The following OR5B2 variants were observed in gnomAD, a reference collection of about 807,000 sequenced individuals.
OR5B2 encodes the protein olfactory receptor family 5 subfamily B member 2.
For synonymous variants in OR5B2, 163 were observed against 140.8 expected (o/e 1.16, Z -1.11); for missense variants, 411 against 367.0 (o/e 1.12, Z -0.98).
intron 1 of OR5B2, among the ~76,000 whole-genome samples, chr11:58,427,732 GA>G (rs1351167115): frequency 1.3e-5 from 2 of 152,176 alleles, no homozygotes; most frequent in Admixed American, 1.3e-4. Flanking sequence ...CCATATGTGA[GA>G]GGGGGAGTGC....
chr11:58,423,114 C>A lies in OR5B2; in HGVS notation c.148G>T (p.Asp50Tyr), dbSNP rs1442425694. The change falls in exon 3 of 3, where the codon GAC (aspartate) becomes TAC (tyrosine). Residue 50 changes from aspartate (D) to tyrosine (Y), a missense_variant. By Grantham distance (160) the Asp-to-Tyr change is radical (BLOSUM62 -3). Coordinates refer to ENST00000641342, the MANE Select transcript of OR5B2 (RefSeq NM_001005566.3). ...NLGMMLLILM[D>Y]SCLHTPMYFF... is the part of the protein sequence containing the mutation. The stretch of plus-strand genomic sequence containing the variant: ...TACATGGGGGTGTGGAGACAAGAGT[C>A]CATCAGGATCAGCAACATCATCCCC... 1.2e-6 allele frequency: 2 copies of A among 1,613,674 alleles called. No individual in the cohort carries two copies.
chr11:58,422,817 A>G lies in OR5B2; in HGVS notation c.445T>C (p.Cys149Arg). The change falls in exon 3 of 3, where the codon TGT (cysteine) becomes CGT (arginine). Residue 149 changes from cysteine to arginine, a missense_variant. By Grantham distance (180) the Cys-to-Arg change is radical. Transcript: ENST00000641342. ...TGGAATGAGGCATTTAGGAAGCCAC[A>G]GACATATGAGCCTAGGGCCAGACAG... is the stretch of plus-strand genomic sequence containing the variant. ...GACLALGSYV[C>R]GFLNASFHIG... is the part of the protein sequence containing the mutation. The G allele has an allele frequency of 6.2e-7, 1 of 1,613,804 alleles. No individual in the cohort carries two copies. Among genetic ancestry groups the G allele is most frequent in the South Asian group, 1.1e-5 (1 of 91,080 alleles).
intron 2 of OR5B2, among the ~76,000 whole-genome samples, chr11:58,423,633 C>T (rs144092429): frequency 1.1e-4 from 17 of 152,224 alleles, no homozygotes; most frequent in Non-Finnish European, 2.1e-4. Flanking sequence ...TTATGTTGCT[C>T]ACATACTGGG....
rs142625743 is a variant in OR5B2, at chr11:58,422,357, A to C, written c.905T>G (p.Val302Gly). 5.6e-4 allele frequency: 893 copies of C among 1,608,024 alleles called. No individual in the cohort carries two copies. The highest frequency in any genetic ancestry group is 7.2e-4 in the Non-Finnish European group (844 of 1,175,626). Residue 302 changes from valine to glycine, a missense_variant, in exon 3 of 3, where the codon GTG becomes GGG. Physicochemically the swap from Val to Gly is moderately radical, Grantham distance 109. Coordinates refer to ENST00000641342, the MANE Select transcript of OR5B2 (RefSeq NM_001005566.3). ...TTATAGAAATTTTTGCCTTCTCAAC[A>C]CTTTCTTGAATGCATTCTGGACTTC... The part of the protein sequence containing the change: ...NREVQNAFKK[V>G]LRRQKFL
intron 2 of OR5B2, among the ~76,000 whole-genome samples, chr11:58,423,783 C>A (rs1486053059): frequency 1.3e-5 from 2 of 152,102 alleles, no homozygotes; most frequent in Non-Finnish European, 2.9e-5. Context: ...AATAGTCAAG[C>A]CTATCTTCTG....
chr11:58,423,122 A>T lies in OR5B2; in HGVS notation c.140T>A (p.Ile47Asn). ...LCGNLGMMLLILMDSCLHTPM... is the reference protein window; with the variant it reads ...LCGNLGMMLLNLMDSCLHTPM... ...GGTGTGGAGACAAGAGTCCATCAGG[A>T]TCAGCAACATCATCCCCAGGTTCCC... is the stretch of plus-strand genomic sequence containing the variant. Residue 47 changes from isoleucine to asparagine, a missense_variant, in exon 3 of 3, where the codon ATC (isoleucine) becomes AAC (asparagine). By Grantham distance (149) the Ile-to-Asn change is moderately radical. Coordinates refer to ENST00000641342, the MANE Select transcript of OR5B2 (RefSeq NM_001005566.3). 2 of 1,613,750 alleles carry T rather than the reference A, an allele frequency of 1.2e-6. No homozygotes were observed. The highest frequency in any genetic ancestry group is 1.1e-5 in the South Asian group (1 of 91,068).
rs1855280468 is a variant in OR5B2, at chr11:58,422,097, G to C, written c.*235C>G. 1 of 382,602 alleles carries C rather than the reference G, an allele frequency of 2.6e-6. No homozygotes were observed. The highest frequency in any genetic ancestry group is 5.5e-5 in the South Asian group (1 of 18,110). The allele number at this position is 382,602 out of a possible 1,614,324, so 23.7% of individuals were successfully genotyped here. A position where few individuals can be genotyped will look rare whatever the true frequency, so the allele number is the denominator to read the frequency against. ...TGAGTAAACCGAATGTCATTAGTAA[G>C]TTTTGACCAGCAAGTTCCAAAAATT... On this transcript the variant is annotated 3_prime_UTR_variant, in exon 3 of 3. Coordinates refer to ENST00000641342, the MANE Select transcript of OR5B2 (RefSeq NM_001005566.3).
chr11:58,423,247 C>T lies in OR5B2; in HGVS notation c.15G>A (p.Thr5=), dbSNP rs760966594. The T allele has an allele frequency of 3.2e-5, 51 of 1,590,254 alleles. No homozygotes were observed. Among genetic ancestry groups the T allele is most frequent in the Admixed American group, 8.6e-5 (5 of 58,222 alleles). The stretch of plus-strand genomic sequence containing the variant: ...CTAGAAGAATGAACTTTGTCACTTC[C>T]GTACAATTCTCCATCAGTATTATCT... MENC[T]EVTKFILLGL... Residue 5 remains threonine (T), a synonymous_variant, in exon 3 of 3, where the codon ACG becomes ACA. Coordinates refer to ENST00000641342, the MANE Select transcript of OR5B2 (RefSeq NM_001005566.3).
Position 58,422,880 on chromosome 11 carries a change from G to A in OR5B2, c.382C>T (p.Leu128=), listed in dbSNP as rs1228832589. 6.2e-7 allele frequency: 1 copy of A among 1,613,716 alleles called. No homozygotes were observed. The highest frequency in any genetic ancestry group is 2.2e-5 in the East Asian group (1 of 44,866). ...YDRYAAVCKP[L]HYTTTMTASV... is the part of the protein sequence containing the mutation. ...GCCGTCATGGTGGTGGTGTAGTGTA[G>A]GGGTTTGCACACTGCTGCATAGCGG... The change falls in exon 3 of 3, where the codon CTA becomes TTA. Residue 128 remains leucine, a synonymous_variant. Transcript: ENST00000641342.
Position 58,422,290 on chromosome 11 carries a change from AAAC to A in OR5B2, c.*39_*41del, listed in dbSNP as rs1162612716. 5.4e-6 allele frequency: 7 copies of A among 1,290,748 alleles called. No individual in the cohort carries two copies. Among genetic ancestry groups the A allele is most frequent in the Non-Finnish European group, 7.7e-6 (7 of 906,306 alleles). 80.0% of individuals were successfully genotyped at this position (1,290,748 alleles called of 1,614,324 possible). ...GCATGAGGAAAGTCTGAGATGAGGG[AAAC>A]AACATTTTTGTGTATACAACAATGT... On this transcript the variant is annotated 3_prime_UTR_variant, in exon 3 of 3. Transcript: ENST00000641342.
intron 1 of OR5B2, among the ~76,000 whole-genome samples, chr11:58,427,482 G>A (rs891889958): frequency 5.3e-5 from 8 of 152,096 alleles, no homozygotes; most frequent in South Asian, 2.1e-4. Flanking sequence ...AAACACTTAC[G>A]CACTTCAGTT....
In OR5B2 at chr11:58,423,296, C is replaced by A; in HGVS notation, c.-28-7G>T. The stretch of plus-strand genomic sequence containing the variant: ...CTGAGAAACTTAAGATGACCTGTAG[C>A]AATGAGAAATAAAGCAATAGAGTGA... On this transcript the variant is annotated splice_region_variant and splice_polypyrimidine_tract_variant and intron_variant, in intron 2 of 2. Transcript: ENST00000641342. 6.1e-6 allele frequency: 8 copies of A among 1,318,380 alleles called. No homozygotes were observed. Among genetic ancestry groups the A allele is most frequent in the South Asian group, 2.9e-5 (2 of 67,842 alleles). The allele number at this position is 1,318,380 out of a possible 1,614,324, so 81.7% of individuals were successfully genotyped here. A position where few individuals can be genotyped will look rare whatever the true frequency, so the allele number is the denominator to read the frequency against.
rs751270786 is a variant in OR5B2 at position 58,422,867 on chromosome 11, G to T, written c.395C>A (p.Thr132Asn). ...GGCACCTACACTGGCCGTCATGGTG[G>T]TGGTGTAGTGTAGGGGTTTGCACAC... Reference protein sequence around the residue: ...AAVCKPLHYTTTMTASVGACL... With the variant: ...AAVCKPLHYTNTMTASVGACL... The change falls in exon 3 of 3, where the codon ACC becomes AAC. Residue 132 changes from threonine (T) to asparagine (N), a missense_variant. By Grantham distance (65) the Thr-to-Asn change is moderately conservative (BLOSUM62 0). Transcript: ENST00000641342. 1 of 1,613,700 alleles carries T rather than the reference G, an allele frequency of 6.2e-7. No individual in the cohort carries two copies. The highest frequency in any genetic ancestry group is 1.3e-5 in the African/African-American group (1 of 74,920).
Position 58,423,170 on chromosome 11 carries a change from A to G in OR5B2, c.92T>C (p.Phe31Ser). 1 of 1,613,628 alleles carries G rather than the reference A, an allele frequency of 6.2e-7. No homozygotes were observed. Among genetic ancestry groups the G allele is most frequent in the Non-Finnish European group, 8.5e-7 (1 of 1,179,674 alleles). The change falls in exon 3 of 3, where the codon TTC (phenylalanine) becomes TCC (serine). Residue 31 changes from phenylalanine to serine, a missense_variant. Coordinates refer to ENST00000641342, the MANE Select transcript of OR5B2 (RefSeq NM_001005566.3). ...CCCACACAGAGTGAGGAGGTAGATG[A>G]AGGTGAACAAGATAAAGAGGGGGAT... ...LQIPLFILFTFIYLLTLCGNL... is the reference protein window; with the variant it reads ...LQIPLFILFTSIYLLTLCGNL...
chr11:58,422,337 G>C lies in OR5B2; in HGVS notation c.925C>G (p.Leu309Val), dbSNP rs373422198. The change falls in exon 3 of 3, where the codon CTA becomes GTA. Residue 309 changes from leucine (L) to valine (V), a missense_variant. By Grantham distance (32) the Leu-to-Val change is conservative. Coordinates refer to ENST00000641342, the MANE Select transcript of OR5B2 (RefSeq NM_001005566.3). ...ACAATGTTAAAATTCCAAACTTATA[G>C]AAATTTTTGCCTTCTCAACACTTTC... ...FKKVLRRQKF[L>V] is the part of the protein sequence containing the mutation. The C allele has an allele frequency of 1.8e-4, 281 of 1,597,096 alleles. No individual in the cohort carries two copies. Among genetic ancestry groups the C allele is most frequent in the Admixed American group, 6.8e-5 (4 of 59,020 alleles).
chr11:58,427,029 A>AT (rs1425904519), intron 1 of OR5B2, among the ~76,000 whole-genome samples: 4 of 146,656 alleles, frequency 2.7e-5, no homozygotes, highest in Non-Finnish European at 6.1e-5. Flanking sequence ...ACTGAGATCA[A>AT]TAAATGATCA....
At chr11:58,423,767 A>G (rs752821861) in intron 2 of OR5B2, among the ~76,000 whole-genome samples, 15 of 152,166 alleles carry the variant, frequency 9.9e-5, no homozygotes, top group Non-Finnish European at 1.9e-4. Context: ...TATGTACACA[A>G]GTGTTAATAG....
chr11:58,422,987 T>C lies in OR5B2; in HGVS notation c.275A>G (p.Tyr92Cys), dbSNP rs1040209774. 1 of 1,613,790 alleles carries C rather than the reference T, an allele frequency of 6.2e-7. No homozygotes were observed. Among genetic ancestry groups the C allele is most frequent in the South Asian group, 1.1e-5 (1 of 91,078 alleles). The change falls in exon 3 of 3, where the codon TAC (tyrosine) becomes TGC (cysteine). Residue 92 changes from tyrosine (Y) to cysteine (C), a missense_variant. Tyr to Cys is a radical substitution (Grantham distance 194, BLOSUM62 -2). Transcript: ENST00000641342. ...GAACATCTGAACAGCACATGCATTG[T>C]AGGAGATGACCTTGTCTCCTCTAAG... ...GFLRGDKVIS[Y>C]NACAVQMFFF...
At chr11:58,425,850 T>C (rs982921583) in intron 2 of OR5B2, among the ~76,000 whole-genome samples, 1 of 152,038 alleles carries the variant, frequency 6.6e-6, no homozygotes, top group Admixed American at 6.6e-5. Flanking sequence ...TGTGTGTGTA[T>C]GTGCGTGTGT....
Sources: allele counts gnomAD v4.1 joint callset (sites outside exome capture counted in the v4.1 genomes callset), GRCh38; gene constraint gnomAD v4.1.1; transcripts MANE v1.5; gene names NCBI Gene and HGNC (gene_info 2026-07-23, HGNC 2026-07-21).